The following MROH6 variants were observed in gnomAD, a reference collection of about 807,000 sequenced individuals.
MROH6 encodes maestro heat-like repeat-containing protein family member 6.
MROH6 carries 62 observed loss-of-function variants against 67.7 expected under a neutral mutation model. The ratio of observed to expected loss-of-function variants is 0.92; its 90% CI spans 0.75 to 1.13. The LOEUF is 1.13. Ranked by LOEUF, MROH6 falls within the 50% of genes most tolerant of loss-of-function variation. The pLI is 0.00. For synonymous variants in MROH6, 566 were observed against 470.8 expected, an observed-to-expected ratio of 1.20 and a Z score of -2.62; for missense variants, 1,175 against 1,029.1, an observed-to-expected ratio of 1.14 and a Z score of -1.94.
Position 143,570,311 on chromosome 8 carries a change from C to T in MROH6, c.975G>A (p.Glu325=), listed in dbSNP as rs1195138875. ...CCAGCCTCCTCCAGCCTCCTGCCTG[C>T]TCCATGCACGTGACCACCATGCGGC... ...DGGRMVVTCM[E]QAGGWRRLVG... is the part of the protein sequence containing the mutation. The change falls in exon 6 of 14, where the codon GAG becomes GAA. Residue 325 remains glutamate (E), a synonymous_variant. Transcript: ENST00000398882. 2 of 1,609,492 alleles carry T rather than the reference C, an allele frequency of 1.2e-6. No homozygotes were observed. The highest frequency in any genetic ancestry group is 1.7e-6 in the Non-Finnish European group (2 of 1,179,592).
chr8:143,569,022 A>AGCGGGAGGGGCGGGACCC, intron 9 of MROH6: 1 of 125,358 alleles, frequency 8.0e-6, no homozygotes, highest in Non-Finnish European at 1.4e-5. Context: ...GGGGGCGGTC[A>AGCGGGAGGGGCGGGACCC]GGAGGGAAGA....
chr8:143,571,516 G>A lies in MROH6; in HGVS notation c.602+151C>T, dbSNP rs555136918. 178 of 997,780 alleles carry A rather than the reference G, an allele frequency of 1.8e-4. 1 individual carries two copies. In the African/African-American group the frequency reaches 1.8e-3, roughly 10 times the overall value. The allele number at this position is 997,780 out of a possible 1,614,324, so 61.8% of individuals were successfully genotyped here. On this transcript the variant is annotated intron_variant, in intron 3 of 13. Transcript: ENST00000398882. Reference sequence around the variant, plus strand: ...TTGCGGAGCTAAAAATGAGGGGAGCGGGAATGGATACGGGGCATGAGTCAT... The same window carrying A: ...TTGCGGAGCTAAAAATGAGGGGAGCAGGAATGGATACGGGGCATGAGTCAT...
intron 1 of MROH6, 104 bp from the exon 2 acceptor site, chr8:143,572,289 C>T (rs569379693): frequency 1.3e-6 from 2 of 1,536,152 alleles, no homozygotes; most frequent in East Asian, 2.3e-5. Flanking sequence ...CCTTGCTCCT[C>T]TGTTGCTCAC....
At chr8:143,570,088 C>G in intron 6 of MROH6, 23 bp from the exon 7 acceptor site, 1 of 1,602,350 alleles carries the variant, frequency 6.2e-7, no homozygotes, top group Non-Finnish European at 8.5e-7. Context: ...GAAATGGGAG[C>G]TCTCGCTCCG....
Position 143,571,050 on chromosome 8 carries a change from T to A in MROH6, c.603-56A>T, listed in dbSNP as rs1428615716. 7.7e-6 allele frequency: 11 copies of A among 1,429,840 alleles called. No individual in the cohort carries two copies. The East Asian group carries it at 2.8e-4, about 36-fold the overall frequency. The allele number at this position is 1,429,840 out of a possible 1,614,324, so 88.6% of individuals were successfully genotyped here. On this transcript the variant is annotated intron_variant, in intron 3 of 13. Transcript: ENST00000398882. ...AAGAGATGGGTGGGTGTCCAGGGAA[T>A]GTAGGGAGTCCCCAGCCAGGGTGGA...
At chr8:143,570,092 C>T (rs897474063) in intron 6 of MROH6, 27 bp from the exon 7 acceptor site, 9 of 1,599,378 alleles carry the variant, frequency 5.6e-6, no homozygotes, top group South Asian at 4.4e-5. Flanking sequence ...TGGGAGCTCT[C>T]GCTCCGTTTG....
chr8:143,572,467 C>T lies in MROH6; in HGVS notation c.248G>A (p.Cys83Tyr). The T allele has an allele frequency of 6.3e-7, 1 of 1,599,950 alleles. No homozygotes were observed. Residue 83 changes from cysteine (C) to tyrosine (Y), a missense_variant, in exon 1 of 14, where the codon TGC (cysteine) becomes TAC (tyrosine). Coordinates refer to ENST00000398882, the MANE Select transcript of MROH6 (RefSeq NM_001100878.2). ...TGGTTCCAGGGCACTGTTGAGGGAG[C>T]AGGGCTCGCTGCCAGCTTCAGGGAC... Reference protein sequence around the residue: ...ATVPEAGSEPCSLNSALEPAP... With the variant: ...ATVPEAGSEPYSLNSALEPAP...
chr8:143,567,749 C>T (rs758672159), intron 12 of MROH6, 37 bp downstream of exon 12: 1 of 1,570,948 alleles, frequency 6.4e-7, no homozygotes, highest in South Asian at 1.2e-5. Context: ...TCCCAAAGCC[C>T]CGGTGCCAGG....
Position 143,572,560 on chromosome 8 carries a change from G to T in MROH6, c.155C>A (p.Pro52His), listed in dbSNP as rs185255597. The T allele has an allele frequency of 3.7e-3, 5,981 of 1,606,768 alleles. 17 individuals are homozygous for T. The highest frequency in any genetic ancestry group is 4.5e-3 in the Non-Finnish European group (5,284 of 1,177,800). Residue 52 changes from proline to histidine, a missense_variant, in exon 1 of 14, where the codon CCT becomes CAT. Transcript: ENST00000398882. ...TGCCTGGGTCTGTGGCTCAGCCTCA[G>T]GTTTGACCTCCCAGGACTTGGGCTG... ...GPQPKSWEVKPEAEPQTQALT... is the reference protein window; with the variant it reads ...GPQPKSWEVKHEAEPQTQALT...
Position 143,571,754 on chromosome 8 carries a change from GC to G in MROH6, c.514del (p.Ala172ArgfsTer6). 1 of 1,548,332 alleles carries G rather than the reference GC, an allele frequency of 6.5e-7. No individual in the cohort carries two copies. Among genetic ancestry groups the G allele is most frequent in the South Asian group, 1.2e-5 (1 of 84,150 alleles). On this transcript the variant is annotated frameshift_variant, in exon 3 of 14. Coordinates refer to ENST00000398882, the MANE Select transcript of MROH6 (RefSeq NM_001100878.2). LOFTEE classifies it high-confidence loss of function. ...CAGTGCGCTCAGCACTCGCAGGGCC[GC>G]CCTCCAGGGCCTCCCCTCCGCTAGG... ...PSLAEGRPWR[A>X]ALRVLSALAL...
At chr8:143,571,357 GC>G (rs11352430) in intron 3 of MROH6, among the ~76,000 whole-genome samples, 24,421 of 152,066 alleles carry the variant, frequency 0.16, 2,158 homozygotes, top group East Asian at 0.36. Context: ...AGGCACGTTA[GC>G]CCCCCAGCCT....
At position 143,572,683 on chromosome 8, in the gene MROH6, G is replaced by A. The variant is rs904707452; in HGVS notation, c.32C>T (p.Ala11Val). Reference protein sequence around the residue: MAGGVWGRSRAREAPVGALTL... With the variant: MAGGVWGRSRVREAPVGALTL... ...TAGAGCCCCCACGGGAGCCTCCCGG[G>A]CCCGGCTCCGGCCCCACACACCCCC... is the stretch of plus-strand genomic sequence containing the variant. The change falls in exon 1 of 14, where the codon GCC becomes GTC. Residue 11 changes from alanine to valine, a missense_variant. Ala to Val is a moderately conservative substitution (Grantham distance 64, BLOSUM62 0). Transcript: ENST00000398882. The A allele has an allele frequency of 2.0e-6, 3 of 1,522,754 alleles. No homozygotes were observed. Among genetic ancestry groups the A allele is most frequent in the Non-Finnish European group, 2.6e-6 (3 of 1,138,478 alleles). The allele number at this position is 1,522,754 out of a possible 1,614,324, so 94.3% of individuals were successfully genotyped here. A position where few individuals can be genotyped will look rare whatever the true frequency, so the allele number is the denominator to read the frequency against.
At chr8:143,572,357 T>G in intron 1 of MROH6, 64 bp downstream of exon 1, 1 of 1,460,924 alleles carries the variant, frequency 6.8e-7, no homozygotes, top group Non-Finnish European at 9.2e-7. Context: ...CCACCCCGCC[T>G]TCCACCTACC....
Position 143,570,240 on chromosome 8 carries a change from C to G in MROH6, c.1043+3G>C, listed in dbSNP as rs776076843. On this transcript the variant is annotated splice_donor_region_variant and intron_variant, in intron 6 of 13. Coordinates refer to ENST00000398882, the MANE Select transcript of MROH6 (RefSeq NM_001100878.2). Reference sequence around the variant, plus strand: ...CCCTGGGGCCCCTCCTCACCCTCCTCACCTGGCCAGCAGCAGGACGCCCTC... The same window carrying G: ...CCCTGGGGCCCCTCCTCACCCTCCTGACCTGGCCAGCAGCAGGACGCCCTC... 5 of 1,580,240 alleles carry G rather than the reference C, an allele frequency of 3.2e-6. No homozygotes were observed. The highest frequency in any genetic ancestry group is 1.7e-4 in the Middle Eastern group (1 of 5,952).
intron 10 of MROH6, 130 bp from the exon 11 acceptor site, chr8:143,568,391 T>C: frequency 2.1e-6 from 3 of 1,439,156 alleles, no homozygotes; most frequent in Non-Finnish European, 2.8e-6. Context: ...GGATTGATTC[T>C]GCTCAAGGGA....
chr8:143,569,478 G>A lies in MROH6; in HGVS notation c.1439C>T (p.Ala480Val), dbSNP rs1823862935. ...CGGAGGGAGGCGCGGTCCCAGCTCC[G>A]CGCTCAGGAGCCGCACAGGCGCCCG... ...RPRAPVRLLSAELGPRLPPLL... is the reference protein window; with the variant it reads ...RPRAPVRLLSVELGPRLPPLL... The change falls in exon 9 of 14, where the codon GCG becomes GTG. Residue 480 changes from alanine to valine, a missense_variant. By Grantham distance (64) the Ala-to-Val change is moderately conservative (BLOSUM62 0). Coordinates refer to ENST00000398882, the MANE Select transcript of MROH6 (RefSeq NM_001100878.2). 1 of 1,474,436 alleles carries A rather than the reference G, an allele frequency of 6.8e-7. No individual in the cohort carries two copies. The highest frequency in any genetic ancestry group is 8.9e-7 in the Non-Finnish European group (1 of 1,122,358). The allele number at this position is 1,474,436 out of a possible 1,614,324, so 91.3% of individuals were successfully genotyped here. A position where few individuals can be genotyped will look rare whatever the true frequency, so the allele number is the denominator to read the frequency against.
intron 1 of MROH6, 110 bp from the exon 2 acceptor site, chr8:143,572,295 C>A: frequency 6.6e-7 from 1 of 1,523,810 alleles, no homozygotes; most frequent in Non-Finnish European, 8.8e-7. Flanking sequence ...TCCTCTGTTG[C>A]TCACCAGCCT....
rs1467572735 is a variant in MROH6, at chr8:143,568,748, C to T, written c.1477-29G>A. 10 of 1,392,766 alleles carry T rather than the reference C, an allele frequency of 7.2e-6. No homozygotes were observed. The South Asian group carries it at 1.1e-4, about 16-fold the overall frequency. 86.3% of individuals were successfully genotyped at this position (1,392,766 alleles called of 1,614,324 possible). On this transcript the variant is annotated intron_variant, in intron 9 of 13. Transcript: ENST00000398882. ...CGTGGGAGGGCGCAGTCAGGGCAGGCGGAGACAGAGAGGGGCTGCAAGGGT... is the reference window on the plus strand; with the variant it reads ...CGTGGGAGGGCGCAGTCAGGGCAGGTGGAGACAGAGAGGGGCTGCAAGGGT...
At position 143,567,784 on chromosome 8, in the gene MROH6, A is replaced by G. The variant is rs1215330113; in HGVS notation, c.1867+2T>C. 1.3e-6 allele frequency: 2 copies of G among 1,554,162 alleles called. No individual in the cohort carries two copies. The highest frequency in any genetic ancestry group is 1.4e-5 in the African/African-American group (1 of 73,172). ...GGGCAGTGTGACCCCGGGCGGCCTCACCTATAAGCACGGCGGCTGCCCGGC... is the reference window on the plus strand; with the variant it reads ...GGGCAGTGTGACCCCGGGCGGCCTCGCCTATAAGCACGGCGGCTGCCCGGC... On this transcript the variant is annotated splice_donor_variant, in intron 12 of 13. Coordinates refer to ENST00000398882, the MANE Select transcript of MROH6 (RefSeq NM_001100878.2). LOFTEE classifies it high-confidence loss of function.
Sources: allele counts gnomAD v4.1 joint callset (sites outside exome capture counted in the v4.1 genomes callset), GRCh38; gene constraint gnomAD v4.1.1; transcripts MANE v1.5; gene names NCBI Gene and HGNC (gene_info 2026-07-23, HGNC 2026-07-21).